The following TRAM2 variants were observed in gnomAD, a reference collection of about 807,000 sequenced individuals.
TRAM2 encodes the protein translocation associated membrane protein 2.
Under a neutral mutation model 51.0 loss-of-function variants are expected in TRAM2, and 12 were observed. The observed-to-expected ratio is 0.24, with a 90% CI of 0.15 to 0.38. TRAM2 has a LOEUF of 0.38. Ranked by LOEUF, TRAM2 falls within the 10% of genes least tolerant of loss-of-function variation. TRAM2 has a pLI of 1.00. For synonymous variants in TRAM2, 175 were observed against 179.4 expected (o/e 0.98, Z 0.20); for missense variants, 361 against 462.0 (o/e 0.78, Z 2.00).
chr6:52,546,070 C>G (rs72927133), intron 1 of TRAM2, among the ~76,000 whole-genome samples: 3,039 of 152,230 alleles, frequency 0.02, 36 homozygotes, highest in South Asian at 0.036. Context: ...ACTGTGAGAA[C>G]TGAGGCTGCC....
intron 10 of TRAM2, among the ~76,000 whole-genome samples, chr6:52,503,846 G>A (rs1270274003): frequency 6.6e-6 from 1 of 152,156 alleles, no homozygotes; most frequent in Non-Finnish European, 1.5e-5. Context: ...AGAGGTACTG[G>A]CTGCAGTCTT....
At chr6:52,525,780 C>T (rs1303274603) in intron 2 of TRAM2, among the ~76,000 whole-genome samples, 1 of 152,128 alleles carries the variant, frequency 6.6e-6, no homozygotes, top group Non-Finnish European at 1.5e-5. Context: ...TGCACTCCAG[C>T]CTGGGTGACA....
chr6:52,558,961 C>CAG (rs146494416), intron 1 of TRAM2, among the ~76,000 whole-genome samples: 1 of 152,018 alleles, frequency 6.6e-6, no homozygotes, highest in African/African-American at 2.4e-5. Flanking sequence ...TATTTATTAA[C>CAG]AGAGAGAGAG....
chr6:52,543,624 A>C (rs925917568), intron 1 of TRAM2, among the ~76,000 whole-genome samples: 1 of 152,228 alleles, frequency 6.6e-6, no homozygotes, highest in African/African-American at 2.4e-5. Flanking sequence ...TTTAGACTTG[A>C]CTACAGAAAA....
At chr6:52,540,931 GAGAA>G (rs1229895435) in intron 1 of TRAM2, among the ~76,000 whole-genome samples, 2 of 152,226 alleles carry the variant, frequency 1.3e-5, no homozygotes, top group Non-Finnish European at 2.9e-5. Context: ...AAGAGAGAGT[GAGAA>G]AGAGAGAAAG....
rs1177883256 is a variant in TRAM2, at chr6:52,499,326, G to A, written c.*3871C>T. The A allele has an allele frequency of 2.0e-5, 3 of 152,174 alleles. No homozygotes were observed. Among genetic ancestry groups the A allele is most frequent in the Non-Finnish European group, 4.4e-5 (3 of 68,046 alleles). The allele number at this position is 152,174 out of a possible 1,614,324, so 9.4% of individuals were successfully genotyped here. ...AGCACTCCCTCTGTTAGAGGAGAGA[G>A]CTTAGAACATCAAGAATTGAAGTTT... On this transcript the variant is annotated 3_prime_UTR_variant, in exon 11 of 11. Transcript: ENST00000182527.
At chr6:52,508,666 A>G (rs1271300761) in intron 5 of TRAM2, among the ~76,000 whole-genome samples, 1 of 152,240 alleles carries the variant, frequency 6.6e-6, no homozygotes, top group South Asian at 2.1e-4. Flanking sequence ...ACACTGAGAC[A>G]ACAAACAGCT....
chr6:52,516,529 G>A, intron 3 of TRAM2, 99 bp downstream of exon 3: 1 of 983,464 alleles, frequency 1.0e-6, no homozygotes, highest in Non-Finnish European at 1.6e-6. Flanking sequence ...CAAGTTGGAG[G>A]ATGAATGGGT....
intron 1 of TRAM2, among the ~76,000 whole-genome samples, chr6:52,540,300 A>G (rs76358707): frequency 0.045 from 6,771 of 152,134 alleles, 194 homozygotes; most frequent in Non-Finnish European, 0.071. Flanking sequence ...GAGGCACACA[A>G]TACTGCACAT....
intron 1 of TRAM2, among the ~76,000 whole-genome samples, 158 bp downstream of exon 1, chr6:52,576,638 G>A (rs1417106603): frequency 6.6e-6 from 1 of 152,208 alleles, no homozygotes; most frequent in East Asian, 1.9e-4. Context: ...CCGGGGTACA[G>A]GCCGGAGGGG....
At chr6:52,515,441 C>T (rs751787336) in intron 4 of TRAM2, among the ~76,000 whole-genome samples, 9 of 152,202 alleles carry the variant, frequency 5.9e-5, no homozygotes, top group Admixed American at 2.6e-4. Flanking sequence ...TTTGTTGAAA[C>T]GGCATTGACT....
intron 1 of TRAM2, among the ~76,000 whole-genome samples, chr6:52,561,954 T>C (rs1428284068): frequency 6.6e-6 from 1 of 152,190 alleles, no homozygotes; most frequent in African/African-American, 2.4e-5. Context: ...AATTAGATAA[T>C]GGCGATGTTG....
chr6:52,556,291 T>A (rs1207237654), intron 1 of TRAM2, among the ~76,000 whole-genome samples: 3 of 151,666 alleles, frequency 2.0e-5, no homozygotes, highest in Non-Finnish European at 4.4e-5. Flanking sequence ...TTGGCTTTTT[T>A]TTTTTTTGAG....
chr6:52,567,182 A>C (rs1767603541), intron 1 of TRAM2, among the ~76,000 whole-genome samples: 1 of 152,234 alleles, frequency 6.6e-6, no homozygotes, highest in African/African-American at 2.4e-5. Context: ...AACATTGGTC[A>C]AGTTACACTT....
Position 52,565,786 on chromosome 6 carries a change from T to C in TRAM2, c.120+11010A>G, listed in dbSNP as rs74672374. Among the ~76,000 whole-genome samples the C allele has an allele frequency of 3.9e-3, 591 of 152,324 alleles. 4 individuals carry two copies. The highest frequency in any genetic ancestry group is 5.3e-3 in the Non-Finnish European group (360 of 68,032). On this transcript the variant is annotated intron_variant, in intron 1 of 10. Transcript: ENST00000182527. Reference sequence around the variant, plus strand: ...GCGAGTGCTAAGTAACTTTTCTGAATAAATGTTACATACAGGCTGTGCCTA... The same window carrying C: ...GCGAGTGCTAAGTAACTTTTCTGAACAAATGTTACATACAGGCTGTGCCTA...
intron 1 of TRAM2, among the ~76,000 whole-genome samples, chr6:52,569,850 C>A (rs1181720007): frequency 6.6e-6 from 1 of 152,060 alleles, no homozygotes; most frequent in Non-Finnish European, 1.5e-5. Context: ...ATGAGCAAAG[C>A]ACTCAATTTC....
chr6:52,515,323 G>A (rs1313816627), intron 4 of TRAM2, among the ~76,000 whole-genome samples: 1 of 152,164 alleles, frequency 6.6e-6, no homozygotes, highest in Non-Finnish European at 1.5e-5. Context: ...AACTCCAAAG[G>A]ACCATCCACA....
intron 2 of TRAM2, among the ~76,000 whole-genome samples, chr6:52,529,277 T>C (rs1766842286): frequency 6.6e-6 from 1 of 152,164 alleles, no homozygotes. Flanking sequence ...TCCCCCCAGC[T>C]TTCCCAGACC....
intron 2 of TRAM2, chr6:52,516,983 G>A (rs1766563748): frequency 4.0e-6 from 2 of 498,594 alleles, no homozygotes; most frequent in East Asian, 3.7e-5. Flanking sequence ...AGTATCTCCT[G>A]AGTCTGTGCA....
Sources: allele counts gnomAD v4.1 joint callset (sites outside exome capture counted in the v4.1 genomes callset), GRCh38; gene constraint gnomAD v4.1.1; transcripts MANE v1.5; gene names NCBI Gene and HGNC (gene_info 2026-07-23, HGNC 2026-07-21).